The following JARID2 variants were observed in gnomAD, a reference collection of about 807,000 sequenced individuals.
JARID2 encodes the protein jumonji and AT-rich interaction domain containing 2, also known as protein Jumonji.
A neutral mutation model predicts 125.6 loss-of-function variants in JARID2; 21 were observed. The ratio of observed to expected loss-of-function variants is 0.17; its 90% CI spans 0.12 to 0.24. JARID2 has a LOEUF of 0.24. Among genes scored for constraint, JARID2 ranks in the 10% least tolerant of loss-of-function variants. The pLI is 1.00. For missense variants in JARID2, 1,303 were observed against 1,639.6 expected, an observed-to-expected ratio of 0.79 and a Z score of 3.55; for synonymous variants, 736 against 661.6, an observed-to-expected ratio of 1.11 and a Z score of -1.73.
chr6:15,424,486 A>G (rs1323744714), intron 3 of JARID2, among the ~76,000 whole-genome samples: 1 of 152,214 alleles, frequency 6.6e-6, no homozygotes, highest in East Asian at 1.9e-4. Flanking sequence ...TTGAATCTAA[A>G]GTAATACTCT....
chr6:15,513,473 G>C, intron 16 of JARID2, 51 bp downstream of exon 16: 1 of 1,519,458 alleles, frequency 6.6e-7, no homozygotes, highest in Non-Finnish European at 8.9e-7. Context: ...CTTGGCCTGA[G>C]AGCTCCGGGG....
At chr6:15,370,459 T>A (rs1764124796) in intron 1 of JARID2, among the ~76,000 whole-genome samples, 1 of 150,522 alleles carries the variant, frequency 6.6e-6, no homozygotes, top group Non-Finnish European at 1.5e-5. Flanking sequence ...TGCCTCAGCC[T>A]CCAGAGTAGC....
rs1259699885 is a variant in JARID2 at position 15,521,210 on chromosome 6, TTC to T, written c.*961_*962del. 3 of 153,680 alleles carry T rather than the reference TTC, an allele frequency of 2.0e-5. No individual in the cohort carries two copies. The highest frequency in any genetic ancestry group is 4.3e-5 in the Non-Finnish European group (3 of 69,004). The allele number at this position is 153,680 out of a possible 1,614,324, so 9.5% of individuals were successfully genotyped here. A position where few individuals can be genotyped will look rare whatever the true frequency, so the allele number is the denominator to read the frequency against. On this transcript the variant is annotated 3_prime_UTR_variant, in exon 18 of 18. Coordinates refer to ENST00000341776, the MANE Select transcript of JARID2 (RefSeq NM_004973.4). ...CACCTTCACAAGTCAGCATTAATCT[TTC>T]TTTTAAAACTTGTTTCATTTATGAT...
intron 2 of JARID2, among the ~76,000 whole-genome samples, chr6:15,380,800 A>G (rs1022173243): frequency 9.2e-5 from 14 of 152,232 alleles, no homozygotes; most frequent in African/African-American, 3.4e-4. Flanking sequence ...TGTTAACAAA[A>G]TATGTTCACA....
chr6:15,400,167 T>G (rs1290102465), intron 2 of JARID2, among the ~76,000 whole-genome samples: 1 of 151,966 alleles, frequency 6.6e-6, no homozygotes, highest in Non-Finnish European at 1.5e-5. Flanking sequence ...TCAATTTATG[T>G]GCCTCGGGGA....
At position 15,509,543 on chromosome 6, in the gene JARID2, C is replaced by T. The variant is rs947471913; in HGVS notation, c.2846+1089C>T. 6.8e-5 allele frequency among the ~76,000 whole-genome samples: 10 copies of T among 146,904 alleles called. 1 individual carries two copies. Among genetic ancestry groups the T allele is most frequent in the Admixed American group, 3.4e-4 (5 of 14,918 alleles). ...TCCAGAGTGATGGGCCCGGGAAGCC[C>T]AGGCTGTTGCCTGTGGAGCGGGGAC... On this transcript the variant is annotated intron_variant, in intron 12 of 17. Coordinates refer to ENST00000341776, the MANE Select transcript of JARID2 (RefSeq NM_004973.4).
intron 1 of JARID2, among the ~76,000 whole-genome samples, chr6:15,324,008 C>T (rs1392464586): frequency 2.0e-5 from 3 of 150,584 alleles, no homozygotes; most frequent in African/African-American, 4.9e-5. Context: ...TGGTGAAACC[C>T]TGTCTCTACT....
chr6:15,393,134 G>T (rs1248144297), intron 2 of JARID2, among the ~76,000 whole-genome samples: 1 of 152,096 alleles, frequency 6.6e-6, no homozygotes, highest in East Asian at 1.9e-4. Context: ...TCTTGCTTTT[G>T]GCAGGAAGTC....
chr6:15,346,248 T>G (rs1763241481), intron 1 of JARID2, among the ~76,000 whole-genome samples: 2 of 152,232 alleles, frequency 1.3e-5, no homozygotes, highest in Non-Finnish European at 2.9e-5. Context: ...AGTAATTCAT[T>G]TTTTATTACA....
Position 15,263,066 on chromosome 6 carries a change from GTGTGTGTT to G in JARID2, c.45+16490_45+16497del, listed in dbSNP as rs1245877330. 3.7e-3 allele frequency among the ~76,000 whole-genome samples: 446 copies of G among 121,422 alleles called. 5 individuals are homozygous for G. The highest frequency in any genetic ancestry group is 0.017 in the African/African-American group (425 of 25,498). The allele number at this position is 121,422 out of a possible 152,430, so 79.7% of individuals were successfully genotyped here. On this transcript the variant is annotated intron_variant, in intron 1 of 17. Coordinates refer to ENST00000341776, the MANE Select transcript of JARID2 (RefSeq NM_004973.4). ...GGGGCTCTAGCTTGCCCTTTGGAGG[GTGTGTGTT>G]TGTGTGTGTGTGTGTGTGTGTGTGT...
chr6:15,295,275 A>C lies in JARID2; in HGVS notation c.45+48691A>C, dbSNP rs559576421. 2.6e-3 allele frequency among the ~76,000 whole-genome samples: 401 copies of C among 151,418 alleles called. 9 individuals are homozygous for C. The highest frequency in any genetic ancestry group is 0.024 in the Admixed American group (363 of 15,214). ...TAGCTGGGACTACAGGCGCCCGCCA[A>C]CACGCCCGGCTAATTTTTTGTATTT... is the stretch of plus-strand genomic sequence containing the variant. On this transcript the variant is annotated intron_variant, in intron 1 of 17. Coordinates refer to ENST00000341776, the MANE Select transcript of JARID2 (RefSeq NM_004973.4).
chr6:15,384,992 G>A (rs1764731307), intron 2 of JARID2, among the ~76,000 whole-genome samples: 1 of 152,172 alleles, frequency 6.6e-6, no homozygotes, highest in South Asian at 2.1e-4. Context: ...TGCTCGCTCA[G>A]CTTCTGCCTT....
chr6:15,501,252 T>A lies in JARID2; in HGVS notation c.2291T>A (p.Val764Glu). 1 of 1,613,614 alleles carries A rather than the reference T, an allele frequency of 6.2e-7. No homozygotes were observed. The change falls in exon 8 of 18, where the codon GTG becomes GAG. Residue 764 changes from valine to glutamate, a missense_variant. Around this residue, in one of 11 missense-constraint regions of JARID2, gnomAD observed 124 missense variants for 131.0 expected, o/e 0.95. Coordinates refer to ENST00000341776, the MANE Select transcript of JARID2 (RefSeq NM_004973.4). ...CCCAAGAATGGGCTCATCCACGGCG[T>A]GGCCCCCAGGAACGGCTTCCGCAGC... is the stretch of plus-strand genomic sequence containing the variant. ...FEPKNGLIHG[V>E]APRNGFRSKL... is the part of the protein sequence containing the mutation.
rs375491069 is a variant in JARID2, at chr6:15,513,221, G to C, written c.3267-18G>C. 8 of 1,551,346 alleles carry C rather than the reference G, an allele frequency of 5.2e-6. No individual in the cohort carries two copies. The Admixed American group carries it at 1.4e-4, about 27-fold the overall frequency. On this transcript the variant is annotated intron_variant, in intron 15 of 17. Transcript: ENST00000341776. Reference sequence around the variant, plus strand: ...CAGGCCGTCACTAAAGGTGCGGGCCGTCTCCCGTGTCTGGCAGGGATACAG... The same window carrying C: ...CAGGCCGTCACTAAAGGTGCGGGCCCTCTCCCGTGTCTGGCAGGGATACAG...
intron 1 of JARID2, among the ~76,000 whole-genome samples, chr6:15,297,122 T>C (rs189587941): frequency 2.0e-3 from 309 of 152,340 alleles, no homozygotes; most frequent in Non-Finnish European, 3.5e-3. Flanking sequence ...TTGTCATTCA[T>C]TGACTGCTTA....
At chr6:15,394,245 C>T (rs146284998) in intron 2 of JARID2, among the ~76,000 whole-genome samples, 1 of 152,098 alleles carries the variant, frequency 6.6e-6, no homozygotes, top group Non-Finnish European at 1.5e-5. Context: ...CTCAGGCTTA[C>T]GCAGCCCTGG....
chr6:15,284,511 C>CTTT (rs11286654), intron 1 of JARID2, among the ~76,000 whole-genome samples: 1 of 140,302 alleles, frequency 7.1e-6, no homozygotes, highest in African/African-American at 2.6e-5. Flanking sequence ...TTTTATAATC[C>CTTT]TTTTTTTTTT....
At chr6:15,325,058 A>T (rs562322307) in intron 1 of JARID2, among the ~76,000 whole-genome samples, 9 of 151,468 alleles carry the variant, frequency 5.9e-5, no homozygotes, top group African/African-American at 2.2e-4. Context: ...TTTTTTCTTT[A>T]ATGAGGACCA....
Position 15,496,146 on chromosome 6 carries a change from C to A in JARID2, c.921C>A (p.Asn307Lys). 1 of 1,611,588 alleles carries A rather than the reference C, an allele frequency of 6.2e-7. No individual in the cohort carries two copies. Among genetic ancestry groups the A allele is most frequent in the Non-Finnish European group, 8.5e-7 (1 of 1,178,310 alleles). ...CTGCTCCACAGGTTTCTAAGGTAAA[C>A]GGAGTCACTCGAATGTCATCTCTGG... ...QDLRKQVSKV[N>K]GVTRMSSLGA... The change falls in exon 7 of 18, where the codon AAC (asparagine) becomes AAA (lysine). Residue 307 changes from asparagine (N) to lysine (K), a missense_variant. Asn to Lys is a moderately conservative substitution (Grantham distance 94). Transcript: ENST00000341776.
Sources: allele counts gnomAD v4.1 joint callset (sites outside exome capture counted in the v4.1 genomes callset), GRCh38; gene constraint gnomAD v4.1.1; regional missense constraint gnomAD v4.1.1; transcripts MANE v1.5; gene names NCBI Gene and HGNC (gene_info 2026-07-23, HGNC 2026-07-21).